VIPR2: variants seen among roughly 807,000 people sequenced by gnomAD.
VIPR2 encodes vasoactive intestinal polypeptide receptor 2.
In VIPR2, 48 loss-of-function variants were observed where a neutral mutation model predicts 58.0. That is an observed-to-expected ratio of 0.83 (90% confidence interval 0.66 to 1.05). VIPR2 has a LOEUF of 1.05. Among genes scored for constraint, VIPR2 ranks in the 50% least tolerant of loss-of-function variants. The pLI is 0.00. For synonymous variants in VIPR2, 243 were observed against 235.2 expected, an observed-to-expected ratio of 1.03 and a Z score of -0.30; for missense variants, 534 against 558.0, an observed-to-expected ratio of 0.96 and a Z score of 0.43.
At chr7:159,132,452 G>A (rs1281842056) in intron 2 of VIPR2, among the ~76,000 whole-genome samples, 2 of 151,278 alleles carry the variant, frequency 1.3e-5, no homozygotes, top group African/African-American at 4.8e-5. Context: ...TACAGGAACT[G>A]GCCTGGATCC....
intron 2 of VIPR2, among the ~76,000 whole-genome samples, chr7:159,132,300 C>A (rs181246090): frequency 0.14 from 16,963 of 124,288 alleles, 77 homozygotes; most frequent in South Asian, 0.18. Context: ...ACAGGGGAAG[C>A]CCCTCTAGGA....
chr7:159,097,670 A>T lies in VIPR2; in HGVS notation c.357+6087T>A, dbSNP rs117321380. On this transcript the variant is annotated intron_variant, in intron 4 of 12. Transcript: ENST00000262178. This position sits in a 1 kb window ranked among gnomAD's most constrained non-coding sequence, Gnocchi z 5.3. ...CCCACTCCTTTTGGGCTTTTGACAC[A>T]ACGTATGCTTTTCAGTGCCTTGTTT... Among the ~76,000 whole-genome samples, 992 of 152,318 alleles carry T rather than the reference A, an allele frequency of 6.5e-3. 5 individuals are homozygous for T. Among genetic ancestry groups the T allele is most frequent in the Middle Eastern group, 0.034 (10 of 294 alleles).
rs1264823761 is a variant in VIPR2 at position 159,093,878 on chromosome 7, A to T, written c.357+9879T>A. Among the ~76,000 whole-genome samples, 1 of 152,132 alleles carries T rather than the reference A, an allele frequency of 6.6e-6. No individual in the cohort carries two copies. The highest frequency in any genetic ancestry group is 1.9e-4 in the East Asian group (1 of 5,168). On this transcript the variant is annotated intron_variant, in intron 4 of 12. Coordinates refer to ENST00000262178, the MANE Select transcript of VIPR2 (RefSeq NM_003382.5). This position sits in a 1 kb window ranked among gnomAD's most constrained non-coding sequence, Gnocchi z 6.7. The stretch of plus-strand genomic sequence containing the variant: ...GAGTCTCCTGGACAGCGGCCACCCC[A>T]TGCCCAGTGCTGACGGGCGCCCCTC...
At position 159,099,344 on chromosome 7, in the gene VIPR2, C is replaced by T. The variant is rs932654018; in HGVS notation, c.357+4413G>A. ...TGCTCACGCAGGCAGGGTTTACTTA[C>T]AGGCCTCGATGAAGGACCAGTGGAC... On this transcript the variant is annotated intron_variant, in intron 4 of 12. Coordinates refer to ENST00000262178, the MANE Select transcript of VIPR2 (RefSeq NM_003382.5). The surrounding 1 kb of genome is among the most constrained non-coding windows in gnomAD (Gnocchi z 4.2). 5.9e-5 allele frequency among the ~76,000 whole-genome samples: 9 copies of T among 152,214 alleles called. No individual in the cohort carries two copies. The highest frequency in any genetic ancestry group is 8.8e-5 in the Non-Finnish European group (6 of 68,044).
chr7:159,055,078 G>C (rs1345098369), intron 5 of VIPR2, among the ~76,000 whole-genome samples: 1 of 152,160 alleles, frequency 6.6e-6, no homozygotes, highest in African/African-American at 2.4e-5. Context: ...ATATGTCCAT[G>C]AACAGTTGAT....
chr7:159,090,048 C>A (rs1352869742), intron 4 of VIPR2, among the ~76,000 whole-genome samples: 1 of 150,338 alleles, frequency 6.7e-6, no homozygotes, highest in Non-Finnish European at 1.5e-5. Flanking sequence ...CCATCACAAT[C>A]CCCGGTGACC....
intron 4 of VIPR2, among the ~76,000 whole-genome samples, chr7:159,094,145 TC>T (rs1857680033): frequency 6.6e-6 from 1 of 152,060 alleles, no homozygotes; most frequent in Admixed American, 6.5e-5. Flanking sequence ...CAGGGGAGGC[TC>T]CTCCCCTCTG....
intron 2 of VIPR2, chr7:159,116,923 T>C: frequency 5.1e-6 from 1 of 195,968 alleles, no homozygotes; most frequent in Non-Finnish European, 1.1e-5. Flanking sequence ...AGGTGTTACT[T>C]TGAGCTCTGG....
At chr7:159,140,429 T>C (rs1012397469) in intron 2 of VIPR2, among the ~76,000 whole-genome samples, 2 of 152,224 alleles carry the variant, frequency 1.3e-5, no homozygotes, top group African/African-American at 4.8e-5. Flanking sequence ...GAGCCACGCA[T>C]ATTTCAAAGA....
chr7:159,050,344 CACAAAAAAACA>C (rs1462716211), intron 5 of VIPR2, among the ~76,000 whole-genome samples: 1 of 99,840 alleles, frequency 1.0e-5, no homozygotes, highest in Non-Finnish European at 2.1e-5. Flanking sequence ...CTCAAAAAAA[CACAAAAAAACA>C]AAAAAAAAAA....
In VIPR2 at chr7:159,030,644, A is replaced by G; in HGVS notation, c.1289T>C (p.Phe430Ser). Residue 430 changes from phenylalanine to serine, a missense_variant, in exon 13 of 13, where the codon TTC becomes TCC. Phe to Ser is a radical substitution (Grantham distance 155). Coordinates refer to ENST00000262178, the MANE Select transcript of VIPR2 (RefSeq NM_003382.5). ...QFHRGSRAQS[F>S]LQTETSVI ...GATGACCGAGGTCTCCGTTTGCAGG[A>G]AGGACTGGGCGCGGGAGCCGCGGTG... is the stretch of plus-strand genomic sequence containing the variant. 1 of 1,555,500 alleles carries G rather than the reference A, an allele frequency of 6.4e-7. No homozygotes were observed.
intron 4 of VIPR2, among the ~76,000 whole-genome samples, chr7:159,074,949 G>A (rs1283047441): frequency 1.3e-5 from 2 of 152,204 alleles, no homozygotes; most frequent in Admixed American, 6.5e-5. Context: ...CATGAGACAG[G>A]TAACTTGGAA....
intron 5 of VIPR2, among the ~76,000 whole-genome samples, chr7:159,056,550 A>G (rs1202572410): frequency 1.3e-5 from 2 of 152,056 alleles, no homozygotes; most frequent in African/African-American, 4.8e-5. Context: ...TCACCATAGG[A>G]TGACTCCCCT....
At chr7:159,067,485 C>A (rs1401562510) in intron 4 of VIPR2, among the ~76,000 whole-genome samples, 1 of 152,190 alleles carries the variant, frequency 6.6e-6, no homozygotes, top group Non-Finnish European at 1.5e-5. Context: ...CGGCCTGACA[C>A]CTGGAAGCTA....
In VIPR2 at chr7:159,093,789, G is replaced by A. The variant is rs1372145077; in HGVS notation, c.357+9968C>T. On this transcript the variant is annotated intron_variant, in intron 4 of 12. Transcript: ENST00000262178. The surrounding 1 kb of genome is among the most constrained non-coding windows in gnomAD (Gnocchi z 6.7). The stretch of plus-strand genomic sequence containing the variant: ...GAGACCCCGCAGCGTCCCTGGGTCC[G>A]GACAGGGGAGAGGCCCTGCAGCGTC... Among the ~76,000 whole-genome samples the A allele has an allele frequency of 4.0e-5, 6 of 151,122 alleles. No homozygotes were observed. The highest frequency in any genetic ancestry group is 2.0e-4 in the East Asian group (1 of 5,088).
In VIPR2 at chr7:159,098,901, C is replaced by T. The variant is rs376269011; in HGVS notation, c.357+4856G>A. 1.4e-4 allele frequency among the ~76,000 whole-genome samples: 21 copies of T among 152,202 alleles called. No individual in the cohort carries two copies. The highest frequency in any genetic ancestry group is 2.4e-4 in the Non-Finnish European group (16 of 68,032). The stretch of plus-strand genomic sequence containing the variant: ...GCCTGATGGGACGAAGCGTGAGCTC[C>T]GGGCAGGAGAAACTCTGTTCAGTTC... On this transcript the variant is annotated intron_variant, in intron 4 of 12. Transcript: ENST00000262178. This position sits in a 1 kb window ranked among gnomAD's most constrained non-coding sequence, Gnocchi z 5.2.
At chr7:159,131,692 C>A (rs1796920576) in intron 2 of VIPR2, among the ~76,000 whole-genome samples, 1 of 152,182 alleles carries the variant, frequency 6.6e-6, no homozygotes, top group Non-Finnish European at 1.5e-5. Flanking sequence ...GCTTAATAAA[C>A]CTCTTGAAAC....
At chr7:159,131,507 C>G (rs1433639834) in intron 2 of VIPR2, among the ~76,000 whole-genome samples, 1 of 152,166 alleles carries the variant, frequency 6.6e-6, no homozygotes, top group Non-Finnish European at 1.5e-5. Flanking sequence ...TACTGGGTAC[C>G]AACTAAAGTC....
chr7:159,076,401 AT>A lies in VIPR2; in HGVS notation c.358-17824del, dbSNP rs1293879416. ...GCAGAAGCTTCTAAAAGACAAACTGATTCTCCAAAAGTATCCTTACAGTGCA... is the reference window on the plus strand; with the variant it reads ...GCAGAAGCTTCTAAAAGACAAACTGATCTCCAAAAGTATCCTTACAGTGCA... On this transcript the variant is annotated intron_variant, in intron 4 of 12. Coordinates refer to ENST00000262178, the MANE Select transcript of VIPR2 (RefSeq NM_003382.5). Among the ~76,000 whole-genome samples the A allele has an allele frequency of 6.6e-5, 10 of 152,328 alleles. No individual in the cohort carries two copies. In the East Asian group the frequency reaches 1.7e-3, roughly 26 times the overall value.
Sources: gnomAD v4.1 joint callset for allele counts (sites outside exome capture counted in the v4.1 genomes callset) on GRCh38, gnomAD v4.1.1 for gene constraint, Gnocchi (gnomAD v3.1) non-coding constraint, MANE v1.5 for transcripts, NCBI Gene and HGNC (gene_info 2026-07-23, HGNC 2026-07-21) for gene names.